The following PALLD variants were observed in gnomAD, a reference collection of about 807,000 sequenced individuals.
The protein encoded by PALLD is palladin.
Under a neutral mutation model 123.5 loss-of-function variants are expected in PALLD, and 61 were observed. The ratio of observed to expected loss-of-function variants is 0.49; its 90% confidence interval spans 0.40 to 0.61. The LOEUF (loss-of-function observed/expected upper bound fraction) is 0.61, where lower values mean the gene tolerates loss of function less well. Ranked by LOEUF, PALLD falls within the 20% of genes least tolerant of loss-of-function variation. The pLI is 0.00. For synonymous variants in PALLD, 465 were observed against 496.4 expected, an observed-to-expected ratio of 0.94 and a Z score of 0.84; for missense variants, 1,273 against 1,377.0, an observed-to-expected ratio of 0.92 and a Z score of 1.20.
chr4:168,539,803 TA>T (rs1192951016), intron 2 of PALLD, among the ~76,000 whole-genome samples: 22 of 152,146 alleles, frequency 1.4e-4, no homozygotes, highest in East Asian at 9.6e-4. Flanking sequence ...TACTTTATTT[TA>T]TTTTTTTAAA....
Position 168,768,484 on chromosome 4 carries a change from T to A in PALLD, c.1964+56561T>A, listed in dbSNP as rs372097142. Among the ~76,000 whole-genome samples the A allele has an allele frequency of 6.6e-5, 10 of 152,296 alleles. No individual in the cohort carries two copies. The East Asian group carries it at 1.9e-3, about 29-fold the overall frequency. ...ACAAAGATATGTTCTATTTAGTAGG[T>A]TCAGGGCAATTCGTTTCAGAAAAGT... On this transcript the variant is annotated intron_variant, in intron 10 of 21. Coordinates refer to ENST00000505667, the MANE Select transcript of PALLD (RefSeq NM_001166108.2).
chr4:168,728,315 A>G (rs924151887), intron 10 of PALLD, among the ~76,000 whole-genome samples: 4 of 152,196 alleles, frequency 2.6e-5, no homozygotes, highest in African/African-American at 7.2e-5. Flanking sequence ...TATTTTAACA[A>G]TATTGATCTT....
rs1362715045 is a variant in PALLD, at chr4:168,753,505, C to G, written c.1964+41582C>G. On this transcript the variant is annotated intron_variant, in intron 10 of 21. Coordinates refer to ENST00000505667, the MANE Select transcript of PALLD (RefSeq NM_001166108.2). ...CAAGATGGCCCCATGAATCTTGTCT[C>G]CTGGTATTCATGCTTTTTCTGTAGT... Among the ~76,000 whole-genome samples the G allele has an allele frequency of 2.6e-5, 4 of 152,192 alleles. No homozygotes were observed. The East Asian group carries it at 7.7e-4, about 29-fold the overall frequency.
In PALLD at chr4:168,791,502, G is replaced by A. The variant is rs532603271; in HGVS notation, c.1964+79579G>A. Among the ~76,000 whole-genome samples the A allele has an allele frequency of 6.6e-5, 10 of 152,290 alleles. No homozygotes were observed. The East Asian group carries it at 7.7e-4, about 12-fold the overall frequency. ...AAGGCAGCAGGAGGGAGAAAAAAGC[G>A]CAGGAGGAACTACCACACACTTATA... On this transcript the variant is annotated intron_variant, in intron 10 of 21. Transcript: ENST00000505667.
chr4:168,877,788 A>T, intron 10 of PALLD: 1 of 1,213,800 alleles, frequency 8.2e-7, no homozygotes, highest in Non-Finnish European at 1.0e-6. Flanking sequence ...GGCGCTCGGC[A>T]GCCTCCGCCA....
intron 10 of PALLD, among the ~76,000 whole-genome samples, chr4:168,759,111 G>A (rs1174318244): frequency 2.7e-5 from 4 of 145,748 alleles, no homozygotes; most frequent in Admixed American, 2.1e-4. Context: ...CCCGGGAGGC[G>A]GAGGTTGCAG....
chr4:168,536,831 C>CT (rs11393140), intron 2 of PALLD, among the ~76,000 whole-genome samples: 62,844 of 144,364 alleles, frequency 0.44, 13,760 homozygotes, highest in African/African-American at 0.53. Context: ...AAGGTTCTCT[C>CT]TTTTTTTTTT....
intron 10 of PALLD, among the ~76,000 whole-genome samples, chr4:168,871,876 G>A (rs1304604157): frequency 6.6e-6 from 1 of 152,154 alleles, no homozygotes; most frequent in Non-Finnish European, 1.5e-5. Context: ...TTCTGGTGGG[G>A]CTATAAATTC....
chr4:168,793,119 A>G lies in PALLD; in HGVS notation c.1964+81196A>G, dbSNP rs370490317. Among the ~76,000 whole-genome samples, 4 of 145,724 alleles carry G rather than the reference A, an allele frequency of 2.7e-5. No homozygotes were observed. The East Asian group carries it at 5.9e-4, about 21-fold the overall frequency. On this transcript the variant is annotated intron_variant, in intron 10 of 21. Transcript: ENST00000505667. Reference sequence around the variant, plus strand: ...GTAAATATACCTACATATTTTATATATGTGTGTGCATATATATACATATAT... The same window carrying G: ...GTAAATATACCTACATATTTTATATGTGTGTGTGCATATATATACATATAT...
intron 17 of PALLD, among the ~76,000 whole-genome samples, chr4:168,920,395 T>C (rs150463339): frequency 3.9e-5 from 6 of 152,326 alleles, no homozygotes; most frequent in Non-Finnish European, 8.8e-5. Flanking sequence ...GTAGCAGGAA[T>C]GGAATTTGTG....
chr4:168,898,809 T>C, intron 14 of PALLD, 95 bp downstream of exon 14: 2 of 825,156 alleles, frequency 2.4e-6, no homozygotes. Context: ...GAGATACAAA[T>C]GATCTTTCTC....
intron 8 of PALLD, among the ~76,000 whole-genome samples, chr4:168,696,165 G>A (rs553014690): frequency 6.6e-6 from 1 of 152,182 alleles, no homozygotes; most frequent in African/African-American, 2.4e-5. Flanking sequence ...GAGGGAGAGG[G>A]GGAAGACTCA....
At position 168,511,656 on chromosome 4, in the gene PALLD, C is replaced by A. The variant is rs1282194996; in HGVS notation, c.152C>A (p.Ala51Asp). Residue 51 changes from alanine (A) to aspartate (D), a missense_variant, in exon 2 of 22, where the codon GCC becomes GAC. By Grantham distance (126) the Ala-to-Asp change is moderately radical. Around this residue, in one of 2 missense-constraint regions of PALLD, gnomAD observed 944 missense variants for 954.5 expected, o/e 0.99. Coordinates refer to ENST00000505667, the MANE Select transcript of PALLD (RefSeq NM_001166108.2). ...CTTGACCTGGCCCGGAGAGCCATAG[C>A]CGACTCCGAAACAGAAGATTTTGAC... is the stretch of plus-strand genomic sequence containing the variant. ...KSLDLARRAI[A>D]DSETEDFDSE... 3.7e-6 allele frequency: 6 copies of A among 1,614,144 alleles called. No individual in the cohort carries two copies. The highest frequency in any genetic ancestry group is 4.2e-6 in the Non-Finnish European group (5 of 1,180,024).
chr4:168,699,691 AC>A (rs1783491176), intron 8 of PALLD, among the ~76,000 whole-genome samples: 1 of 152,150 alleles, frequency 6.6e-6, no homozygotes, highest in Non-Finnish European at 1.5e-5. Context: ...AGGTCCAGGA[AC>A]TTGAATGCAA....
intron 10 of PALLD, among the ~76,000 whole-genome samples, chr4:168,860,312 T>C (rs1749268727): frequency 6.6e-6 from 1 of 152,194 alleles, no homozygotes; most frequent in African/African-American, 2.4e-5. Context: ...CATGCACAGC[T>C]GGACAGAAGC....
intron 2 of PALLD, among the ~76,000 whole-genome samples, chr4:168,532,692 T>G (rs2149485679): frequency 6.6e-6 from 1 of 152,198 alleles, no homozygotes; most frequent in Admixed American, 6.5e-5. Context: ...TCTTAAAATG[T>G]AGATCACACA....
At chr4:168,668,501 G>A (rs1779870441) in intron 3 of PALLD, 133 bp downstream of exon 3, 2 of 651,744 alleles carry the variant, frequency 3.1e-6, no homozygotes. Flanking sequence ...TCATTTCCCT[G>A]AAAACCTTTA....
At chr4:168,716,231 C>G (rs76098876) in intron 10 of PALLD, among the ~76,000 whole-genome samples, 3,733 of 152,256 alleles carry the variant, frequency 0.025, 146 homozygotes, top group African/African-American at 0.084. Context: ...AAAATGAGAA[C>G]TCCAAAGGGA....
At chr4:168,558,325 G>T (rs1197074219) in intron 2 of PALLD, among the ~76,000 whole-genome samples, 2 of 152,188 alleles carry the variant, frequency 1.3e-5, no homozygotes, top group African/African-American at 2.4e-5. Context: ...TTCCAGGACA[G>T]GTTAGACCCC....
Sources: gnomAD v4.1 joint callset for allele counts (sites outside exome capture counted in the v4.1 genomes callset) on GRCh38, gnomAD v4.1.1 for gene constraint, gnomAD v4.1.1 regional missense constraint, MANE v1.5 for transcripts, NCBI Gene and HGNC (gene_info 2026-07-23, HGNC 2026-07-21) for gene names.